The following LRRC56 variants were observed in gnomAD, a reference collection of about 807,000 sequenced individuals.
The protein encoded by LRRC56 is leucine rich repeat containing 56, also known as leucine-rich repeat-containing protein 56.
Under a neutral mutation model 47.8 loss-of-function variants are expected in LRRC56, and 41 were observed. That is an observed-to-expected ratio of 0.86 (90% CI 0.67 to 1.11). LRRC56 has a LOEUF of 1.11. Among genes scored for constraint, LRRC56 ranks in the 50% most tolerant of loss-of-function variants. LRRC56 has a pLI of 0.00. For synonymous variants in LRRC56, 387 were observed against 311.2 expected (o/e 1.24, Z -2.56); for missense variants, 759 against 704.2 (o/e 1.08, Z -0.88).
chr11:554,128 C>T lies in LRRC56; in HGVS notation c.1481C>T (p.Ala494Val). 5.0e-6 allele frequency: 8 copies of T among 1,603,914 alleles called. No individual in the cohort carries two copies. Among genetic ancestry groups the T allele is most frequent in the Non-Finnish European group, 6.8e-6 (8 of 1,177,554 alleles). Residue 494 changes from alanine (A) to valine (V), a missense_variant, in exon 14 of 14, where the codon GCT becomes GTT. By Grantham distance (64) the Ala-to-Val change is moderately conservative. Coordinates refer to ENST00000270115, the MANE Select transcript of LRRC56 (RefSeq NM_198075.4). ...SWGPGLGDGV[A>V]AVPVLRALEV... is the part of the protein sequence containing the mutation. Reference sequence around the variant, plus strand: ...GGGCCTGGCCTGGGTGATGGGGTGGCTGCAGTGCCTGTCCTGAGAGCCCTG... The same window carrying T: ...GGGCCTGGCCTGGGTGATGGGGTGGTTGCAGTGCCTGTCCTGAGAGCCCTG...
chr11:545,144 CT>C (rs1852005914), intron 6 of LRRC56, among the ~76,000 whole-genome samples: 2 of 152,206 alleles, frequency 1.3e-5, no homozygotes, highest in African/African-American at 4.8e-5. Context: ...ACATGGAGCT[CT>C]TGTGTCTGCA....
At chr11:520,294 C>T in the LRRC56 span, among the ~76,000 whole-genome samples, 4 of 149,688 alleles carry the variant, frequency 2.7e-5, 1 homozygote, top group East Asian at 3.9e-4. Flanking sequence ...TTTATTAGAA[C>T]GCGGCCTGAT....
the LRRC56 span, among the ~76,000 whole-genome samples, chr11:530,223 A>G: frequency 6.6e-6 from 1 of 152,214 alleles, no homozygotes; most frequent in Non-Finnish European, 1.5e-5. Context: ...GGCCCTGCCC[A>G]GCCCCGTAAT....
At chr11:539,993 T>G (rs1361288984) in intron 3 of LRRC56, among the ~76,000 whole-genome samples, 1 of 152,224 alleles carries the variant, frequency 6.6e-6, no homozygotes. Flanking sequence ...AGTCAGGTCC[T>G]GGGCTGATCT....
rs1377632726 is a variant in LRRC56, at chr11:552,556, C to T, written c.1182-13C>T. The T allele has an allele frequency of 1.3e-6, 2 of 1,591,420 alleles. No individual in the cohort carries two copies. The highest frequency in any genetic ancestry group is 1.7e-5 in the Admixed American group (1 of 58,134). On this transcript the variant is annotated splice_polypyrimidine_tract_variant and intron_variant, in intron 12 of 13. Coordinates refer to ENST00000270115, the MANE Select transcript of LRRC56 (RefSeq NM_198075.4). ...GATCAGGGCTGGAGCTTCTCCTCCT[C>T]TCCCCACCCTAGCCCCCTCCCCTAT...
At chr11:550,633 C>G (rs975190983) in intron 8 of LRRC56, among the ~76,000 whole-genome samples, 1 of 152,184 alleles carries the variant, frequency 6.6e-6, no homozygotes, top group Non-Finnish European at 1.5e-5. Flanking sequence ...CCCCACAGGC[C>G]CCACAGACCA....
Position 554,740 on chromosome 11 carries a change from C to T in LRRC56, c.*464C>T. ...GCCTGAGGCCGCCGGGGGTGCGGTCCAGGCCTCCCGTCTCCGGGGGATCTG... is the reference window on the plus strand; with the variant it reads ...GCCTGAGGCCGCCGGGGGTGCGGTCTAGGCCTCCCGTCTCCGGGGGATCTG... On this transcript the variant is annotated 3_prime_UTR_variant, in exon 14 of 14. Coordinates refer to ENST00000270115, the MANE Select transcript of LRRC56 (RefSeq NM_198075.4). 2.1e-6 allele frequency: 1 copy of T among 480,780 alleles called. No individual in the cohort carries two copies. Among genetic ancestry groups the T allele is most frequent in the South Asian group, 2.7e-5 (1 of 37,664 alleles). 29.8% of individuals were successfully genotyped at this position (480,780 alleles called of 1,614,324 possible).
upstream of LRRC56, chr11:534,644 C>G (rs1851344078): frequency 6.6e-6 from 3 of 454,526 alleles, no homozygotes; most frequent in African/African-American, 2.0e-5. Flanking sequence ...CTCTCAACCA[C>G]GCACCCAAAT....
intron 3 of LRRC56, among the ~76,000 whole-genome samples, chr11:540,467 G>A (rs956430343): frequency 2.6e-5 from 4 of 151,996 alleles, no homozygotes; most frequent in South Asian, 2.1e-4. Context: ...GGAGGGGAGC[G>A]TGAGGCCCTC....
chr11:548,787 GA>G (rs2134054049), intron 6 of LRRC56, among the ~76,000 whole-genome samples: 1 of 152,210 alleles, frequency 6.6e-6, no homozygotes, highest in South Asian at 2.1e-4. Context: ...CAGAAATAAC[GA>G]AGTGCTCCTT....
upstream of LRRC56, chr11:533,412 G>A (rs747626031): frequency 4.3e-6 from 7 of 1,609,628 alleles, no homozygotes; most frequent in Middle Eastern, 1.7e-4. Context: ...GGCGGGGCGG[G>A]GCGGGTCCCT....
At chr11:530,393 A>C in the LRRC56 span, among the ~76,000 whole-genome samples, 1 of 152,164 alleles carries the variant, frequency 6.6e-6, no homozygotes, top group African/African-American at 2.4e-5. Context: ...GAAGCTGGTC[A>C]CTCGGAGGCT....
upstream of LRRC56, chr11:534,470 C>G (rs367779694): frequency 4.6e-6 from 3 of 658,582 alleles, no homozygotes; most frequent in African/African-American, 5.4e-5. Context: ...AAACCCACAG[C>G]GGTCCCTGGG....
chr11:549,201 G>A (rs1253648679), intron 6 of LRRC56, among the ~76,000 whole-genome samples: 1 of 152,248 alleles, frequency 6.6e-6, no homozygotes. Context: ...AGCCCTGGAG[G>A]AATCTGTGGC....
chr11:542,742 AAC>A (rs1464126311), intron 5 of LRRC56, among the ~76,000 whole-genome samples: 3 of 152,084 alleles, frequency 2.0e-5, no homozygotes, highest in African/African-American at 7.2e-5. Context: ...TTGGACATGC[AAC>A]ACCCCTTTAT....
At chr11:521,560 A>C in the LRRC56 span, among the ~76,000 whole-genome samples, 1 of 152,124 alleles carries the variant, frequency 6.6e-6, no homozygotes, top group African/African-American at 2.4e-5. Flanking sequence ...GGCCCACCTC[A>C]ACCTCTCAAA....
intron 6 of LRRC56, among the ~76,000 whole-genome samples, chr11:546,509 A>C (rs1200049157): frequency 6.6e-6 from 1 of 152,062 alleles, no homozygotes; most frequent in Non-Finnish European, 1.5e-5. Context: ...CGGAGCTTGC[A>C]GTGAGCCAAG....
chr11:537,045 C>T (rs1008065248), upstream of LRRC56: 41 of 152,266 alleles, frequency 2.7e-4, no homozygotes, highest in African/African-American at 9.6e-4. Context: ...GTTTCCTGGT[C>T]CTCGGGGGCG....
At chr11:536,394 C>T (rs1039455322), upstream of LRRC56, among the ~76,000 whole-genome samples, 5 of 152,248 alleles carry the variant, frequency 3.3e-5, no homozygotes, top group African/African-American at 1.2e-4. Context: ...CATAGACGCA[C>T]ATCCTAGCTC....
Sources: gnomAD v4.1 joint callset for allele counts (sites outside exome capture counted in the v4.1 genomes callset) on GRCh38, gnomAD v4.1.1 for gene constraint, MANE v1.5 for transcripts, NCBI Gene and HGNC (gene_info 2026-07-23, HGNC 2026-07-21) for gene names.